KCND2: variants seen among roughly 807,000 people sequenced by gnomAD.
The protein encoded by KCND2 is A-type voltage-gated potassium channel KCND2.
KCND2 carries 16 observed loss-of-function variants against 54.4 expected under a neutral mutation model. That is an observed-to-expected ratio of 0.29 (90% CI 0.20 to 0.45). KCND2 has a LOEUF of 0.45. Ranked by LOEUF, KCND2 falls within the 20% of genes least tolerant of loss-of-function variation. The pLI is 1.00. For synonymous variants in KCND2, 317 were observed against 310.7 expected (o/e 1.02, Z -0.21); for missense variants, 486 against 824.2 (o/e 0.59, Z 5.02).
At chr7:120,368,429 G>A (rs926972599) in intron 1 of KCND2, among the ~76,000 whole-genome samples, 3 of 152,056 alleles carry the variant, frequency 2.0e-5, no homozygotes, top group Non-Finnish European at 2.9e-5. Context: ...ACTAATCCAT[G>A]TATCCTTTGT....
chr7:120,402,008 G>A (rs1191965203), intron 1 of KCND2, among the ~76,000 whole-genome samples: 1 of 152,030 alleles, frequency 6.6e-6, no homozygotes, highest in Non-Finnish European at 1.5e-5. Context: ...TTCTGAATAA[G>A]TAACCAAAAT....
chr7:120,630,404 T>C (rs1284434342), intron 1 of KCND2, among the ~76,000 whole-genome samples: 1 of 152,224 alleles, frequency 6.6e-6, no homozygotes, highest in African/African-American at 2.4e-5. Flanking sequence ...CCCCAAACTA[T>C]TTAAAATTTT....
chr7:120,504,703 G>A (rs763994117), intron 1 of KCND2, among the ~76,000 whole-genome samples: 1 of 151,760 alleles, frequency 6.6e-6, no homozygotes, highest in Non-Finnish European at 1.5e-5. Flanking sequence ...GGATTAGAGG[G>A]TGGCTCTATA....
At chr7:120,700,396 T>C (rs2116027579) in intron 1 of KCND2, among the ~76,000 whole-genome samples, 1 of 152,322 alleles carries the variant, frequency 6.6e-6, no homozygotes, top group East Asian at 1.9e-4. Flanking sequence ...TTGAAGCTGG[T>C]GTGACACATC....
At chr7:120,283,457 A>G (rs1799294969) in intron 1 of KCND2, among the ~76,000 whole-genome samples, 1 of 152,174 alleles carries the variant, frequency 6.6e-6, no homozygotes, top group East Asian at 1.9e-4. Flanking sequence ...CCATGAATAA[A>G]TTTTCATCCT....
chr7:120,332,301 T>A (rs536921316), intron 1 of KCND2, among the ~76,000 whole-genome samples: 1 of 152,218 alleles, frequency 6.6e-6, no homozygotes, highest in African/African-American at 2.4e-5. Flanking sequence ...TGTTCATAAC[T>A]TTCAGTCTAT....
At chr7:120,424,580 G>C (rs1448120234) in intron 1 of KCND2, among the ~76,000 whole-genome samples, 1 of 152,154 alleles carries the variant, frequency 6.6e-6, no homozygotes, top group Non-Finnish European at 1.5e-5. Context: ...TAGGAAAAAA[G>C]ACATATTTGA....
At chr7:120,585,931 A>G (rs531597539) in intron 1 of KCND2, among the ~76,000 whole-genome samples, 1 of 152,310 alleles carries the variant, frequency 6.6e-6, no homozygotes, top group East Asian at 1.9e-4. Flanking sequence ...AGGTTTCACC[A>G]TGGAAAATTG....
intron 1 of KCND2, among the ~76,000 whole-genome samples, chr7:120,425,003 G>A (rs1415350806): frequency 6.6e-6 from 1 of 152,078 alleles, no homozygotes; most frequent in Non-Finnish European, 1.5e-5. Context: ...TACTAAAAAG[G>A]GTAACAAATT....
At chr7:120,279,013 A>G (rs909213671) in intron 1 of KCND2, among the ~76,000 whole-genome samples, 1 of 151,862 alleles carries the variant, frequency 6.6e-6, no homozygotes, top group African/African-American at 2.4e-5. Flanking sequence ...AGTTACTGCC[A>G]TTAACTGCCT....
intron 1 of KCND2, among the ~76,000 whole-genome samples, chr7:120,574,118 A>T (rs559142720): frequency 3.3e-5 from 5 of 152,324 alleles, no homozygotes; most frequent in African/African-American, 9.6e-5. Context: ...AAGGTTTAAG[A>T]TCCTTGACTT....
chr7:120,419,087 T>C lies in KCND2; in HGVS notation c.1115+143340T>C, dbSNP rs542874334. On this transcript the variant is annotated intron_variant, in intron 1 of 5. Transcript: ENST00000331113. Reference sequence around the variant, plus strand: ...TTTAAAATATATATATATAATTGAATATGAGCAAATCTCTGCATTTATATT... The same window carrying C: ...TTTAAAATATATATATATAATTGAACATGAGCAAATCTCTGCATTTATATT... Among the ~76,000 whole-genome samples, 3 of 152,284 alleles carry C rather than the reference T, an allele frequency of 2.0e-5. No individual in the cohort carries two copies. The South Asian group carries it at 6.2e-4, about 32-fold the overall frequency.
chr7:120,597,062 C>A (rs1418880522), intron 1 of KCND2, among the ~76,000 whole-genome samples: 2 of 152,138 alleles, frequency 1.3e-5, no homozygotes, highest in South Asian at 2.1e-4. Flanking sequence ...TTTTATATTT[C>A]TTCCTGGGTT....
intron 1 of KCND2, among the ~76,000 whole-genome samples, chr7:120,322,209 A>T (rs914283686): frequency 6.6e-6 from 1 of 152,142 alleles, no homozygotes. Context: ...CAATGGAGGA[A>T]ATAAGATGTC....
chr7:120,653,964 G>A (rs1423386242), intron 1 of KCND2, among the ~76,000 whole-genome samples: 1 of 152,174 alleles, frequency 6.6e-6, no homozygotes. Context: ...TTGAAGGCAT[G>A]TTTTTGAGCG....
intron 1 of KCND2, among the ~76,000 whole-genome samples, chr7:120,385,184 G>T (rs113360830): frequency 2.7e-5 from 4 of 148,238 alleles, no homozygotes; most frequent in African/African-American, 2.5e-5. Context: ...TTTTTTTTTT[G>T]GTAGAGACGG....
intron 1 of KCND2, among the ~76,000 whole-genome samples, chr7:120,303,225 A>T (rs1302325447): frequency 6.6e-6 from 1 of 152,210 alleles, no homozygotes; most frequent in Non-Finnish European, 1.5e-5. Flanking sequence ...GAAGAGAGAC[A>T]CTGCAGAATT....
At chr7:120,467,582 C>T (rs974991851) in intron 1 of KCND2, among the ~76,000 whole-genome samples, 1 of 152,088 alleles carries the variant, frequency 6.6e-6, no homozygotes, top group Non-Finnish European at 1.5e-5. Context: ...GTTTGGGATA[C>T]ATATTTCATG....
chr7:120,446,534 A>G (rs1802021104), intron 1 of KCND2, among the ~76,000 whole-genome samples: 1 of 146,572 alleles, frequency 6.8e-6, no homozygotes, highest in Non-Finnish European at 1.5e-5. Flanking sequence ...CCAATATTAT[A>G]CCATATTATA....
Sources: allele counts gnomAD v4.1 joint callset (sites outside exome capture counted in the v4.1 genomes callset), GRCh38; gene constraint gnomAD v4.1.1; transcripts MANE v1.5; gene names NCBI Gene and HGNC (gene_info 2026-07-23, HGNC 2026-07-21).